Variants in STK40 observed in about 807,000 individuals in gnomAD.
STK40 encodes the protein serine/threonine kinase 40, also known as serine/threonine-protein kinase 40.
Under a neutral mutation model 47.9 loss-of-function variants are expected in STK40, and 13 were observed. The observed-to-expected ratio is 0.27, with a 90% CI of 0.18 to 0.43. The LOEUF is 0.43. STK40 is among the 20% of genes least tolerant of loss of function. STK40 has a pLI of 1.00. For missense variants in STK40, 460 were observed against 595.1 expected, an observed-to-expected ratio of 0.77 and a Z score of 2.36; for synonymous variants, 225 against 243.2, an observed-to-expected ratio of 0.93 and a Z score of 0.69.
intron 1 of STK40, among the ~76,000 whole-genome samples, chr1:36,377,883 T>C (rs1412320394): frequency 6.6e-6 from 1 of 152,222 alleles, no homozygotes; most frequent in African/African-American, 2.4e-5. Context: ...CCCTGGGTCC[T>C]GCCTGCCTGC....
At chr1:36,364,779 C>T (rs1392179399) in intron 1 of STK40, among the ~76,000 whole-genome samples, 2 of 151,668 alleles carry the variant, frequency 1.3e-5, no homozygotes, top group African/African-American at 4.8e-5. Context: ...GGCAACGTTG[C>T]GAGACCCATC....
chr1:36,360,565 T>C (rs1346150425), intron 2 of STK40, among the ~76,000 whole-genome samples: 1 of 151,838 alleles, frequency 6.6e-6, no homozygotes, highest in Non-Finnish European at 1.5e-5. Flanking sequence ...AGAGAGAGTC[T>C]CGCACCGTTG....
intron 1 of STK40, among the ~76,000 whole-genome samples, chr1:36,363,815 A>G (rs1453083038): frequency 1.5e-5 from 2 of 129,912 alleles, no homozygotes; most frequent in Non-Finnish European, 3.2e-5. Flanking sequence ...ACTCTGTCTC[A>G]AAAAAAAAAA....
intron 1 of STK40, among the ~76,000 whole-genome samples, chr1:36,372,204 C>T (rs907247290): frequency 6.6e-6 from 1 of 151,714 alleles, no homozygotes; most frequent in African/African-American, 2.4e-5. Flanking sequence ...GAAATTGAGC[C>T]CGGGCACGGT....
At chr1:36,342,329 C>G (rs550562326) in intron 10 of STK40, 5 of 305,576 alleles carry the variant, frequency 1.6e-5, no homozygotes, top group Non-Finnish European at 2.5e-5. Context: ...TCAAGAGGTA[C>G]GAGCAAGCCC....
At chr1:36,379,945 G>C (rs533791542) in intron 1 of STK40, among the ~76,000 whole-genome samples, 5 of 152,322 alleles carry the variant, frequency 3.3e-5, no homozygotes, top group African/African-American at 1.2e-4. Context: ...GAAGTGTTTA[G>C]AGAGTAGAAT....
intron 1 of STK40, 124 bp from the exon 2 acceptor site, chr1:36,361,464 C>CT (rs1326549409): frequency 1.7e-5 from 26 of 1,492,126 alleles, no homozygotes; most frequent in Non-Finnish European, 2.2e-5. Flanking sequence ...CCAACTCCTC[C>CT]TGCTACCAGG....
chr1:36,341,695 C>T lies in STK40; in HGVS notation c.*60G>A, dbSNP rs542743364. On this transcript the variant is annotated 3_prime_UTR_variant, in exon 11 of 11. Coordinates refer to ENST00000373132, the MANE Select transcript of STK40 (RefSeq NM_001282547.2). ...CACTACAGGGCCCAGCCCTGACAGC[C>T]ACGCCTTTGGCTGGGGCTGGAAGAA... 2.7e-5 allele frequency: 43 copies of T among 1,589,108 alleles called. No homozygotes were observed. The highest frequency in any genetic ancestry group is 3.7e-5 in the Non-Finnish European group (43 of 1,163,468).
At chr1:36,345,985 A>ATTTTTTT (rs1383008702) in intron 7 of STK40, among the ~76,000 whole-genome samples, 174 of 9,788 alleles carry the variant, frequency 0.018, 3 homozygotes, top group South Asian at 0.071. Context: ...ATATATATAT[A>ATTTTTTT]TATATATTTT....
chr1:36,341,619 T>A lies in STK40; in HGVS notation c.*136A>T, dbSNP rs1646647777. The stretch of plus-strand genomic sequence containing the variant: ...ACCTCTGCTGACCCCACGTGTGACC[T>A]GGGCTGTCCCTGTCCCTGCCCTGTC... On this transcript the variant is annotated 3_prime_UTR_variant, in exon 11 of 11. Coordinates refer to ENST00000373132, the MANE Select transcript of STK40 (RefSeq NM_001282547.2). 3 of 1,051,496 alleles carry A rather than the reference T, an allele frequency of 2.9e-6. No individual in the cohort carries two copies. Among genetic ancestry groups the A allele is most frequent in the African/African-American group, 1.6e-5 (1 of 63,276 alleles). 65.1% of individuals were successfully genotyped at this position (1,051,496 alleles called of 1,614,324 possible). A position where few individuals can be genotyped will look rare whatever the true frequency, so the allele number is the denominator to read the frequency against.
chr1:36,345,133 G>C (rs1646688559), intron 7 of STK40, among the ~76,000 whole-genome samples: 1 of 152,234 alleles, frequency 6.6e-6, no homozygotes, highest in South Asian at 2.1e-4. Context: ...GACCACTGGA[G>C]CATTTGAAAG....
chr1:36,347,854 T>C (rs1392981021), intron 7 of STK40, among the ~76,000 whole-genome samples: 4 of 152,282 alleles, frequency 2.6e-5, no homozygotes, highest in East Asian at 1.9e-4. Flanking sequence ...GGTTTCACCA[T>C]ATTGGCCAGG....
At chr1:36,382,014 C>T (rs1557527658) in intron 1 of STK40, among the ~76,000 whole-genome samples, 1 of 152,120 alleles carries the variant, frequency 6.6e-6, no homozygotes, top group Non-Finnish European at 1.5e-5. Flanking sequence ...CCAGCAGAGC[C>T]CCAGCCACAC....
intron 7 of STK40, among the ~76,000 whole-genome samples, chr1:36,345,917 C>T (rs963286557): frequency 2.1e-5 from 3 of 146,196 alleles, no homozygotes; most frequent in Non-Finnish European, 4.5e-5. Context: ...ACTGTACCCA[C>T]AAGCTTCCCT....
intron 10 of STK40, chr1:36,342,621 T>A (rs1570431185): frequency 6.4e-6 from 1 of 157,230 alleles, no homozygotes; most frequent in Admixed American, 6.3e-5. Context: ...CTGAATGAGG[T>A]GCCCTCGGGG....
intron 6 of STK40, among the ~76,000 whole-genome samples, chr1:36,352,857 C>T (rs1481601835): frequency 3.9e-5 from 6 of 152,254 alleles, no homozygotes; most frequent in Non-Finnish European, 8.8e-5. Flanking sequence ...GCGTTTCTGT[C>T]TGCAGCCCCA....
intron 10 of STK40, chr1:36,342,352 G>A (rs1228326407): frequency 1.4e-5 from 4 of 278,274 alleles, no homozygotes; most frequent in Non-Finnish European, 2.8e-5. Flanking sequence ...GGCTGGGGGC[G>A]CAGCACCTGG....
intron 1 of STK40, among the ~76,000 whole-genome samples, chr1:36,371,685 CAAAAAAAAAAAAA>C (rs57138983): frequency 1.4e-4 from 4 of 27,970 alleles, no homozygotes; most frequent in Non-Finnish European, 2.3e-4. Flanking sequence ...ACCCTGTCTC[CAAAAAAAAAAAAA>C]AAAAAAAAAA....
At chr1:36,362,867 A>G (rs969813760) in intron 1 of STK40, among the ~76,000 whole-genome samples, 2 of 152,198 alleles carry the variant, frequency 1.3e-5, no homozygotes, top group Non-Finnish European at 1.5e-5. Flanking sequence ...AAAATACATT[A>G]AGGGAGGTCT....
Sources: allele counts gnomAD v4.1 joint callset (sites outside exome capture counted in the v4.1 genomes callset), GRCh38; gene constraint gnomAD v4.1.1; transcripts MANE v1.5; gene names NCBI Gene and HGNC (gene_info 2026-07-23, HGNC 2026-07-21).